The following TAFA2 variants were observed in gnomAD, a reference collection of about 807,000 sequenced individuals.
TAFA2 encodes TAFA chemokine like family member 2, also known as chemokine-like protein TAFA-2.
A neutral mutation model predicts 18.8 loss-of-function variants in TAFA2; 7 were observed. That is an observed-to-expected ratio of 0.37 (90% CI 0.21 to 0.70). The LOEUF is 0.70. TAFA2 is among the 30% of genes least tolerant of loss of function. The pLI, the probability that TAFA2 is intolerant of heterozygous loss-of-function variation, is 0.53. For missense variants in TAFA2, 122 were observed against 158.1 expected (o/e 0.77, Z 1.23); for synonymous variants, 60 against 54.2 (o/e 1.11, Z -0.47).
At chr12:61,927,673 A>T (rs1877362661) in intron 1 of TAFA2, among the ~76,000 whole-genome samples, 1 of 152,212 alleles carries the variant, frequency 6.6e-6, no homozygotes, top group African/African-American at 2.4e-5. Context: ...TAAATTTCAT[A>T]TGGAATCAAA....
At chr12:61,820,435 C>A (rs1043916162) in intron 2 of TAFA2, among the ~76,000 whole-genome samples, 3 of 151,648 alleles carry the variant, frequency 2.0e-5, no homozygotes, top group African/African-American at 4.8e-5. Context: ...TAGTGTGGTA[C>A]GTATGTAACT....
chr12:62,213,379 T>G (rs1258083634), intron 1 of TAFA2, among the ~76,000 whole-genome samples: 1 of 152,132 alleles, frequency 6.6e-6, no homozygotes, highest in Admixed American at 6.5e-5. Flanking sequence ...GCGTGGTGGC[T>G]CACACCTGTA....
At chr12:61,830,634 T>C (rs1352113640) in intron 2 of TAFA2, among the ~76,000 whole-genome samples, 2 of 151,932 alleles carry the variant, frequency 1.3e-5, no homozygotes, top group Non-Finnish European at 2.9e-5. Flanking sequence ...GAGAAATTAC[T>C]TAATGAATAC....
At chr12:61,995,256 C>T (rs942699598) in intron 1 of TAFA2, among the ~76,000 whole-genome samples, 11 of 152,144 alleles carry the variant, frequency 7.2e-5, no homozygotes, top group Admixed American at 5.9e-4. Flanking sequence ...CCCAAATAAC[C>T]TAAGTTATTT....
chr12:61,766,566 C>CGCGTGTAATTGTCT (rs1291313784), intron 2 of TAFA2, among the ~76,000 whole-genome samples: 4 of 151,856 alleles, frequency 2.6e-5, no homozygotes, highest in African/African-American at 9.7e-5. Context: ...ATCTCTGTAA[C>CGCGTGTAATTGTCT]GCGTGTAATT....
chr12:61,955,152 T>C (rs1014766268), intron 1 of TAFA2, among the ~76,000 whole-genome samples: 6 of 152,152 alleles, frequency 3.9e-5, no homozygotes, highest in Non-Finnish European at 7.4e-5. Context: ...GTATCTGGAT[T>C]GTAAACTTAC....
chr12:61,839,989 A>C (rs898300378), intron 2 of TAFA2, among the ~76,000 whole-genome samples: 4 of 152,136 alleles, frequency 2.6e-5, no homozygotes. Context: ...AAGGAGCCTC[A>C]TATGCAAAGA....
At chr12:62,086,395 T>C (rs900671412) in intron 1 of TAFA2, among the ~76,000 whole-genome samples, 1 of 152,144 alleles carries the variant, frequency 6.6e-6, no homozygotes, top group Non-Finnish European at 1.5e-5. Context: ...GCCAATCATA[T>C]ACCTGATAAG....
intron 1 of TAFA2, among the ~76,000 whole-genome samples, chr12:61,993,279 T>C (rs1880070896): frequency 6.6e-6 from 1 of 152,210 alleles, no homozygotes; most frequent in Non-Finnish European, 1.5e-5. Context: ...ATATAAGTCA[T>C]TCCAATTTTT....
At chr12:61,745,376 C>G (rs955142041) in intron 4 of TAFA2, among the ~76,000 whole-genome samples, 3 of 152,060 alleles carry the variant, frequency 2.0e-5, no homozygotes, top group African/African-American at 7.2e-5. Context: ...CCACAAGCAT[C>G]ATTTCTACCC....
At chr12:62,127,339 T>C (rs1339246297) in intron 1 of TAFA2, among the ~76,000 whole-genome samples, 1 of 152,052 alleles carries the variant, frequency 6.6e-6, no homozygotes, top group African/African-American at 2.4e-5. Context: ...CTCCTAAGTC[T>C]TTCCTTTCTC....
intron 1 of TAFA2, among the ~76,000 whole-genome samples, chr12:61,937,333 GC>G (rs1877811921): frequency 6.6e-6 from 1 of 152,094 alleles, no homozygotes; most frequent in South Asian, 2.1e-4. Flanking sequence ...CCAAAAAAGA[GC>G]CCAAATAGTC....
chr12:62,172,303 A>T (rs1260955459), intron 1 of TAFA2, among the ~76,000 whole-genome samples: 1 of 152,136 alleles, frequency 6.6e-6, no homozygotes, highest in Non-Finnish European at 1.5e-5. Context: ...ATGTGCAAAG[A>T]ACAGTTCCTG....
At chr12:62,021,510 A>G (rs1318075717) in intron 1 of TAFA2, 1 of 571,742 alleles carries the variant, frequency 1.7e-6, no homozygotes, top group Non-Finnish European at 3.2e-6. Flanking sequence ...ATATTTTATT[A>G]AAGATCTTTA....
At chr12:62,155,971 G>C (rs1308438096) in intron 1 of TAFA2, among the ~76,000 whole-genome samples, 1 of 152,180 alleles carries the variant, frequency 6.6e-6, no homozygotes, top group African/African-American at 2.4e-5. Context: ...AAGAGCTTTT[G>C]CATGCCAAAA....
intron 4 of TAFA2, among the ~76,000 whole-genome samples, chr12:61,716,590 T>A (rs1869670517): frequency 6.6e-6 from 1 of 152,294 alleles, no homozygotes; most frequent in Admixed American, 6.5e-5. Flanking sequence ...TTAAAAAAAA[T>A]TCTTTTCTCC....
At chr12:62,128,113 A>T (rs1310197731) in intron 1 of TAFA2, among the ~76,000 whole-genome samples, 1 of 152,024 alleles carries the variant, frequency 6.6e-6, no homozygotes, top group Non-Finnish European at 1.5e-5. Context: ...GTGCCTGAGT[A>T]AAATTCTTTT....
At chr12:62,066,060 A>G (rs1882477812) in intron 1 of TAFA2, among the ~76,000 whole-genome samples, 1 of 151,566 alleles carries the variant, frequency 6.6e-6, no homozygotes, top group South Asian at 2.1e-4. Context: ...TAGTAACTGA[A>G]AAGTAAAAAA....
intron 1 of TAFA2, among the ~76,000 whole-genome samples, chr12:62,205,662 C>T (rs890502817): frequency 3.9e-5 from 6 of 152,182 alleles, no homozygotes; most frequent in Non-Finnish European, 5.9e-5. Flanking sequence ...GGGTCCAAAC[C>T]GCCCAGTTTC....
Sources: gnomAD v4.1 joint callset for allele counts (sites outside exome capture counted in the v4.1 genomes callset) on GRCh38, gnomAD v4.1.1 for gene constraint, MANE v1.5 for transcripts, NCBI Gene and HGNC (gene_info 2026-07-23, HGNC 2026-07-21) for gene names.